Variants in GNPNAT1 observed in about 807,000 individuals in gnomAD.
GNPNAT1 encodes glucosamine-phosphate N-acetyltransferase 1.
GNPNAT1 carries 11 observed loss-of-function variants against 19.8 expected under a neutral mutation model. The observed-to-expected ratio is 0.56, with a 90% CI of 0.35 to 0.92. GNPNAT1 has a LOEUF of 0.92. Ranked by LOEUF, GNPNAT1 falls within the 40% of genes least tolerant of loss-of-function variation. The pLI is 0.01. For synonymous variants in GNPNAT1, 71 were observed against 72.3 expected, an observed-to-expected ratio of 0.98 and a Z score of 0.09; for missense variants, 157 against 211.0, an observed-to-expected ratio of 0.74 and a Z score of 1.59.
At chr14:52,782,748 A>C (rs374952687) in intron 3 of GNPNAT1, among the ~76,000 whole-genome samples, 3 of 152,106 alleles carry the variant, frequency 2.0e-5, no homozygotes, top group African/African-American at 7.2e-5. Flanking sequence ...CAGGAGGGTC[A>C]AATAGAATTC....
chr14:52,784,277 G>A (rs1391922809), intron 2 of GNPNAT1, among the ~76,000 whole-genome samples: 1 of 152,122 alleles, frequency 6.6e-6, no homozygotes, highest in African/African-American at 2.4e-5. Context: ...TAATTAGGAA[G>A]GAGTGATGTT....
chr14:52,788,233 A>G (rs980718986), intron 1 of GNPNAT1, among the ~76,000 whole-genome samples: 5 of 152,004 alleles, frequency 3.3e-5, no homozygotes, highest in Middle Eastern at 6.8e-3. Context: ...TGATCCTCCT[A>G]CCTCAGCTTC....
Position 52,780,423 on chromosome 14 carries a change from A to G in GNPNAT1, c.407+256T>C, listed in dbSNP as rs1393861567. Among the ~76,000 whole-genome samples, 4 of 152,184 alleles carry G rather than the reference A, an allele frequency of 2.6e-5. No individual in the cohort carries two copies. In the East Asian group the frequency reaches 5.8e-4, roughly 22 times the overall value. On this transcript the variant is annotated intron_variant, in intron 5 of 5. Coordinates refer to ENST00000216410, the MANE Select transcript of GNPNAT1 (RefSeq NM_198066.4). ...TTAGCCCAAAAGTTTATCTCCTACTAGGACGAGAGCATTACTATAAAAAGT... is the reference window on the plus strand; with the variant it reads ...TTAGCCCAAAAGTTTATCTCCTACTGGGACGAGAGCATTACTATAAAAAGT...
At chr14:52,787,665 T>C (rs1477074728) in intron 1 of GNPNAT1, among the ~76,000 whole-genome samples, 1 of 152,146 alleles carries the variant, frequency 6.6e-6, no homozygotes, top group African/African-American at 2.4e-5. Context: ...GAATCTAGTT[T>C]CCTCATTTGT....
intron 1 of GNPNAT1, among the ~76,000 whole-genome samples, chr14:52,790,759 A>C (rs989909520): frequency 6.6e-6 from 1 of 152,234 alleles, no homozygotes; most frequent in African/African-American, 2.4e-5. Flanking sequence ...GGATTCGTTC[A>C]TGAGGGATTA....
rs911808376 is a variant in GNPNAT1 at position 52,791,089 on chromosome 14, G to A, written c.-15+339C>T. Among the ~76,000 whole-genome samples, 1 of 152,114 alleles carries A rather than the reference G, an allele frequency of 6.6e-6. No individual in the cohort carries two copies. The highest frequency in any genetic ancestry group is 1.5e-5 in the Non-Finnish European group (1 of 68,000). On this transcript the variant is annotated intron_variant, in intron 1 of 5. Coordinates refer to ENST00000216410, the MANE Select transcript of GNPNAT1 (RefSeq NM_198066.4). This position sits in a 1 kb window ranked among gnomAD's most constrained non-coding sequence, Gnocchi z 4.1. ...CAAAACCGATGGCTGCAGAGAGCGCGACCAACTGTCTCATTTCCCACGCCA... is the reference window on the plus strand; with the variant it reads ...CAAAACCGATGGCTGCAGAGAGCGCAACCAACTGTCTCATTTCCCACGCCA...
rs1162829808 is a variant in GNPNAT1, at chr14:52,777,012, G to T, written c.*1299C>A. On this transcript the variant is annotated 3_prime_UTR_variant, in exon 6 of 6. Coordinates refer to ENST00000216410, the MANE Select transcript of GNPNAT1 (RefSeq NM_198066.4). The stretch of plus-strand genomic sequence containing the variant: ...GTTCGTCTGTATAGGCTATAAGCAG[G>T]TAAGTAGTGCACTCTATTGGTGAAG... The T allele has an allele frequency of 6.6e-6, 1 of 152,250 alleles. No homozygotes were observed. Among genetic ancestry groups the T allele is most frequent in the Non-Finnish European group, 1.5e-5 (1 of 68,048 alleles). The allele number at this position is 152,250 out of a possible 1,614,324, so 9.4% of individuals were successfully genotyped here.
intron 1 of GNPNAT1, among the ~76,000 whole-genome samples, chr14:52,788,071 C>T (rs1308066753): frequency 5.9e-5 from 9 of 152,196 alleles, no homozygotes; most frequent in Admixed American, 3.3e-4. Flanking sequence ...GATGATCAAG[C>T]AGTCATTTCA....
rs760846872 is a variant in GNPNAT1, at chr14:52,781,847, T to C, written c.282A>G (p.Leu94=). ...GAGTTGCCGTAGCAACAATCTGTCC[T>C]AGAGTCACATCTTCTACAACTGTAA... ...YYVTVVEDVT[L]GQIVATATLI... is the part of the protein sequence containing the mutation. Residue 94 remains leucine, a synonymous_variant, in exon 4 of 6, where the codon CTA becomes CTG. Coordinates refer to ENST00000216410, the MANE Select transcript of GNPNAT1 (RefSeq NM_198066.4). 89 of 1,608,158 alleles carry C rather than the reference T, an allele frequency of 5.5e-5. No homozygotes were observed. The highest frequency in any genetic ancestry group is 7.4e-5 in the Non-Finnish European group (87 of 1,177,464).
intron 1 of GNPNAT1, among the ~76,000 whole-genome samples, chr14:52,786,439 G>A (rs1312392683): frequency 1.1e-4 from 16 of 151,998 alleles, no homozygotes; most frequent in Non-Finnish European, 1.3e-4. Context: ...AGGAGGTGGA[G>A]GCTGCAGTGA....
At chr14:52,783,385 T>G (rs759115693) in intron 3 of GNPNAT1, 38 bp downstream of exon 3, 34 of 1,344,278 alleles carry the variant, frequency 2.5e-5, no homozygotes, top group Non-Finnish European at 3.5e-5. Flanking sequence ...GAAATCATGT[T>G]TCCCTTTATT....
At chr14:52,789,603 A>C (rs1883105922) in intron 1 of GNPNAT1, among the ~76,000 whole-genome samples, 1 of 152,176 alleles carries the variant, frequency 6.6e-6, no homozygotes, top group Non-Finnish European at 1.5e-5. Context: ...TGCCCAACTA[A>C]GGTACTGGGC....
intron 4 of GNPNAT1, 150 bp downstream of exon 4, chr14:52,781,634 A>C (rs754253917): frequency 1.5e-6 from 1 of 671,772 alleles, no homozygotes. Context: ...ACTGTTATAC[A>C]TTTTCTTTCT....
chr14:52,789,270 C>T (rs929314065), intron 1 of GNPNAT1, among the ~76,000 whole-genome samples: 6 of 152,192 alleles, frequency 3.9e-5, no homozygotes, highest in African/African-American at 1.4e-4. Context: ...ATTACGTAGC[C>T]AGTCCTGCTA....
chr14:52,787,278 A>G (rs949167510), intron 1 of GNPNAT1, among the ~76,000 whole-genome samples: 1 of 152,118 alleles, frequency 6.6e-6, no homozygotes, highest in Admixed American at 6.5e-5. Context: ...AAATATTCTT[A>G]ACTTTTCCTT....
chr14:52,782,836 GATA>G (rs1230431455), intron 3 of GNPNAT1, among the ~76,000 whole-genome samples: 1 of 152,000 alleles, frequency 6.6e-6, no homozygotes, highest in African/African-American at 2.4e-5. Flanking sequence ...ATTTAGTAAT[GATA>G]ATAATACTTC....
chr14:52,790,863 AATCACAGTAC>A (rs1208361606), intron 1 of GNPNAT1, among the ~76,000 whole-genome samples: 1 of 152,200 alleles, frequency 6.6e-6, no homozygotes, highest in Non-Finnish European at 1.5e-5. Context: ...CCGCAACAGA[AATCACAGTAC>A]AGTACTCGGT....
intron 3 of GNPNAT1, among the ~76,000 whole-genome samples, chr14:52,782,284 T>G (rs541152301): frequency 6.6e-6 from 1 of 152,258 alleles, no homozygotes; most frequent in South Asian, 2.1e-4. Flanking sequence ...TATTCAAATA[T>G]AACCTTTGCA....
At chr14:52,778,573 AT>A in intron 5 of GNPNAT1, 115 bp from the exon 6 acceptor site, 2 of 889,618 alleles carry the variant, frequency 2.2e-6, no homozygotes, top group South Asian at 1.7e-5. Flanking sequence ...ACAGGTTTAG[AT>A]TATGGCTTTT....
Sources: allele counts gnomAD v4.1 joint callset (sites outside exome capture counted in the v4.1 genomes callset), GRCh38; gene constraint gnomAD v4.1.1; non-coding constraint Gnocchi (gnomAD v3.1); transcripts MANE v1.5; gene names NCBI Gene and HGNC (gene_info 2026-07-23, HGNC 2026-07-21).